Variants in FBXL17 observed in about 807,000 individuals in gnomAD.
The protein encoded by FBXL17 is F-box/LRR-repeat protein 17.
In FBXL17, 22 loss-of-function variants were observed where a neutral mutation model predicts 66.2. That is an observed-to-expected ratio of 0.33 (90% CI 0.24 to 0.47). The LOEUF is 0.47. FBXL17 is among the 20% of genes least tolerant of loss of function. The pLI, the probability that FBXL17 is intolerant of heterozygous loss-of-function variation, is 1.00. For synonymous variants in FBXL17, 474 were observed against 400.5 expected (o/e 1.18, Z -2.19); for missense variants, 878 against 948.2 (o/e 0.93, Z 0.97).
chr5:108,132,300 A>C (rs1172871180), intron 6 of FBXL17, among the ~76,000 whole-genome samples: 1 of 152,184 alleles, frequency 6.6e-6, no homozygotes, highest in Non-Finnish European at 1.5e-5. Context: ...AAGAAATGCA[A>C]AAGTGTGAAG....
chr5:108,298,811 CAAAATAAAACAA>C (rs1758456219), intron 4 of FBXL17: 1 of 857,138 alleles, frequency 1.2e-6, no homozygotes, highest in Non-Finnish European at 1.4e-6. Context: ...TACATATTTT[CAAAATAAAACAA>C]AAAATAAAAA....
intron 4 of FBXL17, among the ~76,000 whole-genome samples, chr5:108,309,955 T>C (rs1759038110): frequency 6.6e-6 from 1 of 152,152 alleles, no homozygotes; most frequent in Non-Finnish European, 1.5e-5. Flanking sequence ...AACAATTCTG[T>C]TTAAATTATG....
intron 6 of FBXL17, among the ~76,000 whole-genome samples, chr5:108,163,409 T>TTC (rs1752292435): frequency 2.7e-5 from 2 of 73,392 alleles, no homozygotes; most frequent in African/African-American, 6.2e-5. Flanking sequence ...CTTTTTTTTT[T>TTC]TTTTTTTTTG....
chr5:107,894,453 A>C (rs1749306899), intron 7 of FBXL17, among the ~76,000 whole-genome samples: 1 of 152,124 alleles, frequency 6.6e-6, no homozygotes, highest in African/African-American at 2.4e-5. Context: ...GCCTGACATC[A>C]ATTCTCATTT....
chr5:108,166,406 C>A (rs941927970), intron 6 of FBXL17, among the ~76,000 whole-genome samples: 5 of 152,174 alleles, frequency 3.3e-5, no homozygotes, highest in African/African-American at 1.2e-4. Flanking sequence ...CAGGGAGACA[C>A]CTCTGTATTT....
chr5:108,256,434 T>TA (rs1756581052), intron 4 of FBXL17, among the ~76,000 whole-genome samples: 1 of 152,140 alleles, frequency 6.6e-6, no homozygotes, highest in Non-Finnish European at 1.5e-5. Flanking sequence ...AACGTTTGTT[T>TA]AAAAAATAGC....
intron 6 of FBXL17, among the ~76,000 whole-genome samples, chr5:108,094,005 T>C (rs1749279486): frequency 6.6e-6 from 1 of 152,176 alleles, no homozygotes; most frequent in Admixed American, 6.5e-5. Flanking sequence ...GATCACTTGA[T>C]GTTCTAAAAT....
intron 4 of FBXL17, among the ~76,000 whole-genome samples, chr5:108,305,230 C>A (rs1286267048): frequency 6.6e-6 from 1 of 152,030 alleles, no homozygotes; most frequent in Non-Finnish European, 1.5e-5. Flanking sequence ...TTTGCTACCA[C>A]ATGTTCTCAC....
At chr5:108,215,571 T>C (rs1754563668) in intron 5 of FBXL17, among the ~76,000 whole-genome samples, 1 of 152,200 alleles carries the variant, frequency 6.6e-6, no homozygotes, top group Non-Finnish European at 1.5e-5. Flanking sequence ...TTAGGCTGTC[T>C]TTTTGTTGCT....
chr5:108,100,023 T>C (rs1049876226), intron 6 of FBXL17, among the ~76,000 whole-genome samples: 1 of 152,198 alleles, frequency 6.6e-6, no homozygotes, highest in Non-Finnish European at 1.5e-5. Flanking sequence ...GTGAATAACC[T>C]ATATTAGAAA....
At chr5:108,085,281 G>C (rs1166935467) in intron 6 of FBXL17, among the ~76,000 whole-genome samples, 1 of 152,184 alleles carries the variant, frequency 6.6e-6, no homozygotes, top group African/African-American at 2.4e-5. Flanking sequence ...GCTTGGTCTA[G>C]AGTTCTGCCC....
chr5:108,041,865 C>G (rs577842187), intron 6 of FBXL17, among the ~76,000 whole-genome samples: 1 of 152,220 alleles, frequency 6.6e-6, no homozygotes, highest in East Asian at 1.9e-4. Flanking sequence ...TTTTACTATA[C>G]TTCTTCTATC....
intron 7 of FBXL17, among the ~76,000 whole-genome samples, chr5:107,899,623 G>A (rs189207265): frequency 1.3e-5 from 2 of 152,134 alleles, no homozygotes; most frequent in African/African-American, 4.8e-5. Flanking sequence ...CTTAAAAGAA[G>A]ATTTTTGATT....
chr5:108,381,035 G>C lies in FBXL17; in HGVS notation c.657C>G (p.Gly219=), dbSNP rs1419335816. The change falls in exon 1 of 9, where the codon GGC becomes GGG. Residue 219 remains glycine, a synonymous_variant. Transcript: ENST00000542267. ...CACCGCCGCCGCCGCCGCCGCCGCAGCCCCCGCCGCCGCAGCGGGGCTGCT... is the reference window on the plus strand; with the variant it reads ...CACCGCCGCCGCCGCCGCCGCCGCACCCCCCGCCGCCGCAGCGGGGCTGCT... ...PCKQPRCGGG[G]CGGGGGGGGG... is the part of the protein sequence containing the mutation. The C allele has an allele frequency of 1.7e-6, 2 of 1,197,004 alleles. No individual in the cohort carries two copies. Among genetic ancestry groups the C allele is most frequent in the African/African-American group, 3.2e-5 (2 of 62,620 alleles). The allele number at this position is 1,197,004 out of a possible 1,614,324, so 74.1% of individuals were successfully genotyped here.
chr5:108,061,872 G>T (rs1258455149), intron 6 of FBXL17, among the ~76,000 whole-genome samples: 1 of 148,832 alleles, frequency 6.7e-6, no homozygotes. Flanking sequence ...TTCATTTTTT[G>T]TACTTAAAAA....
At chr5:107,931,873 T>C (rs1750747946) in intron 7 of FBXL17, among the ~76,000 whole-genome samples, 1 of 152,228 alleles carries the variant, frequency 6.6e-6, no homozygotes, top group Admixed American at 6.5e-5. Context: ...CTACATCTTT[T>C]CATGTCTGTC....
chr5:107,871,057 C>CAAAAAAAAAAAAAAAAAAAAAAAAAAAAA (rs201752049), intron 8 of FBXL17, among the ~76,000 whole-genome samples: 5 of 65,896 alleles, frequency 7.6e-5, no homozygotes, highest in African/African-American at 1.5e-4. Context: ...TCTTGGGCGG[C>CAAAAAAAAAAAAAAAAAAAAAAAAAAAAA]AAAAAAAAAA....
intron 7 of FBXL17, among the ~76,000 whole-genome samples, chr5:107,964,173 C>G (rs1752028856): frequency 6.6e-6 from 1 of 152,148 alleles, no homozygotes; most frequent in Admixed American, 6.6e-5. Context: ...GACCTGGCAT[C>G]AACCAAAGGT....
At chr5:108,262,082 A>ATTTTTTTTT (rs769903670) in intron 4 of FBXL17, among the ~76,000 whole-genome samples, 1 of 114,196 alleles carries the variant, frequency 8.8e-6, no homozygotes, top group African/African-American at 3.2e-5. Context: ...TTATTTATTT[A>ATTTTTTTTT]TTTATTTTTT....
Sources: gnomAD v4.1 joint callset for allele counts (sites outside exome capture counted in the v4.1 genomes callset) on GRCh38, gnomAD v4.1.1 for gene constraint, MANE v1.5 for transcripts, NCBI Gene and HGNC (gene_info 2026-07-23, HGNC 2026-07-21) for gene names.